The following PDE3B variants were observed in gnomAD, a reference collection of about 807,000 sequenced individuals.
PDE3B encodes the protein phosphodiesterase 3B.
Under a neutral mutation model 116.8 loss-of-function variants are expected in PDE3B, and 66 were observed. That is an observed-to-expected ratio of 0.56 (90% CI 0.46 to 0.69). The LOEUF (loss-of-function observed/expected upper bound fraction) is 0.69, where lower values mean the gene tolerates loss of function less well. Among genes scored for constraint, PDE3B ranks in the 30% least tolerant of loss-of-function variants. The pLI is 0.00. For synonymous variants in PDE3B, 595 were observed against 533.6 expected, an observed-to-expected ratio of 1.12 and a Z score of -1.59; for missense variants, 1,384 against 1,368.1, an observed-to-expected ratio of 1.01 and a Z score of -0.18.
chr11:14,779,035 T>G (rs1857884089), intron 2 of PDE3B, among the ~76,000 whole-genome samples: 1 of 152,052 alleles, frequency 6.6e-6, no homozygotes, highest in Non-Finnish European at 1.5e-5. Flanking sequence ...TGCACAAGCT[T>G]CAGTAGCCGA....
intron 1 of PDE3B, among the ~76,000 whole-genome samples, chr11:14,660,969 G>T (rs1853885143): frequency 6.6e-6 from 1 of 152,142 alleles, no homozygotes; most frequent in South Asian, 2.1e-4. Flanking sequence ...ACCACAATGA[G>T]ATACCATCTC....
chr11:14,679,765 C>T (rs1854642680), intron 1 of PDE3B, among the ~76,000 whole-genome samples: 1 of 151,742 alleles, frequency 6.6e-6, no homozygotes, highest in Admixed American at 6.6e-5. Flanking sequence ...TAAATTTTTC[C>T]CTTACTCTAC....
chr11:14,868,755 T>C (rs577596327), intron 15 of PDE3B, among the ~76,000 whole-genome samples: 2 of 152,330 alleles, frequency 1.3e-5, no homozygotes, highest in South Asian at 4.1e-4. Context: ...AGGATTAGCA[T>C]GGCAAATCCT....
chr11:14,705,451 G>A (rs1855502080), intron 1 of PDE3B, among the ~76,000 whole-genome samples: 1 of 151,770 alleles, frequency 6.6e-6, no homozygotes, highest in East Asian at 1.9e-4. Flanking sequence ...CTAATTTATG[G>A]TGTCAGAAAG....
intron 1 of PDE3B, among the ~76,000 whole-genome samples, chr11:14,755,022 AT>A (rs897622496): frequency 2.0e-5 from 3 of 152,216 alleles, no homozygotes; most frequent in African/African-American, 7.2e-5. Context: ...CTCAACCACG[AT>A]TACTGAACAC....
downstream of PDE3B, among the ~76,000 whole-genome samples, chr11:14,876,283 G>A (rs1555009707): frequency 1.3e-5 from 2 of 152,086 alleles, no homozygotes; most frequent in Non-Finnish European, 2.9e-5. Flanking sequence ...TTGGGAAGCT[G>A]AGCTTGGAGA....
At chr11:14,736,391 C>T (rs1294775568) in intron 1 of PDE3B, among the ~76,000 whole-genome samples, 1 of 152,144 alleles carries the variant, frequency 6.6e-6, no homozygotes, top group East Asian at 1.9e-4. Flanking sequence ...GCGTGGGGCA[C>T]ATTTTCGTAG....
At chr11:14,770,304 T>C (rs1332513438) in intron 1 of PDE3B, among the ~76,000 whole-genome samples, 1 of 151,402 alleles carries the variant, frequency 6.6e-6, no homozygotes, top group Non-Finnish European at 1.5e-5. Flanking sequence ...ATGGGAGGAA[T>C]GGAGAATAGG....
chr11:14,794,263 A>G lies in PDE3B; in HGVS notation c.1415+5021A>G, dbSNP rs559530336. On this transcript the variant is annotated intron_variant, in intron 4 of 15. Coordinates refer to ENST00000282096, the MANE Select transcript of PDE3B (RefSeq NM_000922.4). ...GAGCAAGCAAGCAGGCAAGCAAGCAATTCTGTAGTAGACATAAGCTAGGTG... is the reference window on the plus strand; with the variant it reads ...GAGCAAGCAAGCAGGCAAGCAAGCAGTTCTGTAGTAGACATAAGCTAGGTG... Among the ~76,000 whole-genome samples the G allele has an allele frequency of 3.2e-4, 49 of 152,218 alleles. No homozygotes were observed. The South Asian group carries it at 5.8e-3, about 18-fold the overall frequency.
intron 12 of PDE3B, among the ~76,000 whole-genome samples, chr11:14,853,114 G>GA (rs34555721): frequency 6.7e-6 from 1 of 150,244 alleles, no homozygotes; most frequent in Non-Finnish European, 1.5e-5. Context: ...TGTTCTCCCT[G>GA]CCCAGAGGGC....
At chr11:14,672,059 A>G (rs1854388326) in intron 1 of PDE3B, among the ~76,000 whole-genome samples, 1 of 146,712 alleles carries the variant, frequency 6.8e-6, no homozygotes, top group Non-Finnish European at 1.5e-5. Context: ...ATATATATGT[A>G]TATATATATT....
chr11:14,787,291 C>T (rs746896826), intron 3 of PDE3B, among the ~76,000 whole-genome samples: 16 of 151,808 alleles, frequency 1.1e-4, no homozygotes, highest in Non-Finnish European at 1.9e-4. Context: ...TATCCTTGTT[C>T]AGAGTGCTTT....
chr11:14,838,808 T>G (rs1860139628), intron 11 of PDE3B, among the ~76,000 whole-genome samples: 1 of 152,194 alleles, frequency 6.6e-6, no homozygotes, highest in Admixed American at 6.5e-5. Context: ...TACCAGAGAT[T>G]CTGGAGTCAG....
chr11:14,845,950 C>G (rs923111138), intron 12 of PDE3B, among the ~76,000 whole-genome samples: 3 of 152,140 alleles, frequency 2.0e-5, no homozygotes, highest in Non-Finnish European at 4.4e-5. Context: ...CCCAATCTAG[C>G]AAGGCAGGCC....
the PDE3B span, among the ~76,000 whole-genome samples, chr11:14,894,674 C>T: frequency 2.0e-5 from 3 of 152,164 alleles, no homozygotes; most frequent in African/African-American, 7.2e-5. Flanking sequence ...CCCACCACAG[C>T]TCCCCTTGAG....
chr11:14,875,769 G>A (rs896911936), downstream of PDE3B, among the ~76,000 whole-genome samples: 1 of 152,140 alleles, frequency 6.6e-6, no homozygotes, highest in Non-Finnish European at 1.5e-5. Context: ...CCTCTGCTGT[G>A]ATCTAGAGAA....
intron 1 of PDE3B, among the ~76,000 whole-genome samples, chr11:14,759,926 A>G (rs567468957): frequency 5.3e-5 from 8 of 152,154 alleles, no homozygotes; most frequent in Non-Finnish European, 1.0e-4. Flanking sequence ...TAAATAATGC[A>G]TTGCTATTGT....
At chr11:14,873,902 T>C (rs566135518), downstream of PDE3B, among the ~76,000 whole-genome samples, 1 of 152,234 alleles carries the variant, frequency 6.6e-6, no homozygotes, top group East Asian at 1.9e-4. Context: ...AATTCCTTAT[T>C]CTTGGCTGGG....
chr11:14,788,846 T>C (rs957552110), intron 3 of PDE3B: 2 of 253,190 alleles, frequency 7.9e-6, no homozygotes, highest in Non-Finnish European at 1.5e-5. Flanking sequence ...AAACAAGTAG[T>C]AAAATGTACA....
Sources: gnomAD v4.1 joint callset for allele counts (sites outside exome capture counted in the v4.1 genomes callset) on GRCh38, gnomAD v4.1.1 for gene constraint, MANE v1.5 for transcripts, NCBI Gene and HGNC (gene_info 2026-07-23, HGNC 2026-07-21) for gene names.